SCIN: variants seen among roughly 807,000 people sequenced by gnomAD.
SCIN encodes the protein scinderin, also known as adseverin.
A neutral mutation model predicts 91.8 loss-of-function variants in SCIN; 91 were observed. That is an observed-to-expected ratio of 0.99 (90% CI 0.84 to 1.18). The LOEUF (loss-of-function observed/expected upper bound fraction) is 1.18. SCIN is among the 50% of genes most tolerant of loss of function. SCIN has a pLI of 0.00. For synonymous variants in SCIN, 367 were observed against 312.6 expected, an observed-to-expected ratio of 1.17 and a Z score of -1.84; for missense variants, 1,087 against 863.9, an observed-to-expected ratio of 1.26 and a Z score of -3.24.
At chr7:12,625,485 C>A (rs536619299) in intron 6 of SCIN, among the ~76,000 whole-genome samples, 3 of 144,504 alleles carry the variant, frequency 2.1e-5, no homozygotes, top group Non-Finnish European at 4.5e-5. Context: ...CCCGCCACCA[C>A]GCCCAGCTAA....
chr7:12,609,241 C>A (rs1207966642), intron 4 of SCIN, among the ~76,000 whole-genome samples: 1 of 152,072 alleles, frequency 6.6e-6, no homozygotes, highest in African/African-American at 2.4e-5. Flanking sequence ...TTTTAAAAGC[C>A]CGTGTGCCTA....
intron 1 of SCIN, chr7:12,577,537 T>C (rs1210630080): frequency 2.2e-6 from 1 of 456,192 alleles, no homozygotes. Flanking sequence ...TTAAAATTTT[T>C]AAAGGAATTG....
At chr7:12,572,363 C>T (rs1380946785) in intron 1 of SCIN, among the ~76,000 whole-genome samples, 1 of 152,144 alleles carries the variant, frequency 6.6e-6, no homozygotes, top group Non-Finnish European at 1.5e-5. Flanking sequence ...TATTTTCTGC[C>T]AGAAAAGACT....
At chr7:12,596,649 C>T (rs1035920694) in intron 3 of SCIN, among the ~76,000 whole-genome samples, 31 of 151,590 alleles carry the variant, frequency 2.0e-4, no homozygotes, top group African/African-American at 7.3e-4. Flanking sequence ...ACTTAGGTGG[C>T]TGGCAGAAAT....
chr7:12,591,755 C>T (rs1332386767), intron 3 of SCIN, among the ~76,000 whole-genome samples: 1 of 151,962 alleles, frequency 6.6e-6, no homozygotes, highest in Non-Finnish European at 1.5e-5. Context: ...AAGGATTTCG[C>T]TTTTGGAGGA....
chr7:12,625,437 T>TA (rs1157419880), intron 6 of SCIN, among the ~76,000 whole-genome samples: 1 of 143,548 alleles, frequency 7.0e-6, no homozygotes, highest in Non-Finnish European at 1.5e-5. Context: ...TATTCTTTTT[T>TA]TTTTTTTTTT....
At chr7:12,622,623 T>G (rs1227434787) in intron 4 of SCIN, among the ~76,000 whole-genome samples, 178 bp from the exon 5 acceptor site, 3 of 152,126 alleles carry the variant, frequency 2.0e-5, no homozygotes, top group South Asian at 4.1e-4. Flanking sequence ...TTAATGCAAT[T>G]GATTGATTTG....
intron 3 of SCIN, among the ~76,000 whole-genome samples, chr7:12,603,201 A>G (rs1782994887): frequency 6.6e-6 from 1 of 151,932 alleles, no homozygotes; most frequent in African/African-American, 2.4e-5. Flanking sequence ...CTGTAGTGCA[A>G]TGGCATGATC....
chr7:12,610,795 A>G (rs1476348028), intron 4 of SCIN, among the ~76,000 whole-genome samples: 1 of 152,166 alleles, frequency 6.6e-6, no homozygotes, highest in African/African-American at 2.4e-5. Context: ...CTCTCGAAAA[A>G]CAACAAACAG....
At chr7:12,652,222 C>T (rs1784093388) in intron 15 of SCIN, among the ~76,000 whole-genome samples, 1 of 152,118 alleles carries the variant, frequency 6.6e-6, no homozygotes, top group African/African-American at 2.4e-5. Flanking sequence ...TTTTAAACTT[C>T]CTTTTGACTA....
At chr7:12,608,055 G>A (rs1365326622) in intron 4 of SCIN, among the ~76,000 whole-genome samples, 3 of 151,972 alleles carry the variant, frequency 2.0e-5, no homozygotes, top group Non-Finnish European at 1.5e-5. Context: ...CTCAAAATAC[G>A]TTTATGCTCA....
At chr7:12,581,904 T>A (rs1200992739) in intron 3 of SCIN, among the ~76,000 whole-genome samples, 1 of 152,196 alleles carries the variant, frequency 6.6e-6, no homozygotes, top group Non-Finnish European at 1.5e-5. Context: ...TTTGTGAAGT[T>A]TTTATAATAG....
chr7:12,577,812 T>C (rs2115205423), intron 1 of SCIN: 1 of 458,916 alleles, frequency 2.2e-6, no homozygotes, highest in Non-Finnish European at 3.9e-6. Flanking sequence ...GCTATGATTA[T>C]GCCATTGCAT....
intron 14 of SCIN, 103 bp downstream of exon 14, chr7:12,649,647 A>C: frequency 6.5e-6 from 4 of 616,412 alleles, no homozygotes; most frequent in African/African-American, 1.9e-5. Flanking sequence ...GAGCCTAGAG[A>C]TTTAGGCTGT....
intron 3 of SCIN, chr7:12,595,740 G>C (rs990463630): frequency 3.3e-5 from 5 of 152,184 alleles, no homozygotes; most frequent in African/African-American, 1.2e-4. Flanking sequence ...TGATTTTAAA[G>C]TTTTGGAATT....
intron 3 of SCIN, among the ~76,000 whole-genome samples, chr7:12,585,174 A>C (rs1782561481): frequency 6.6e-6 from 1 of 152,118 alleles, no homozygotes; most frequent in Non-Finnish European, 1.5e-5. Flanking sequence ...TCACTCTCAC[A>C]GTTCCTCGGA....
intron 1 of SCIN, among the ~76,000 whole-genome samples, chr7:12,574,523 C>T (rs1782330824): frequency 6.6e-6 from 1 of 152,032 alleles, no homozygotes; most frequent in African/African-American, 2.4e-5. Context: ...ACTAAATGCA[C>T]ACACACACGA....
At chr7:12,621,016 G>T (rs941261008) in intron 4 of SCIN, among the ~76,000 whole-genome samples, 5 of 152,062 alleles carry the variant, frequency 3.3e-5, no homozygotes, top group African/African-American at 9.7e-5. Flanking sequence ...TGCCAATCGC[G>T]TGGGCAACCC....
chr7:12,644,813 C>G, intron 13 of SCIN, 108 bp downstream of exon 13: 2 of 1,043,536 alleles, frequency 1.9e-6, no homozygotes, highest in Non-Finnish European at 2.7e-6. Context: ...GTCAGGAGTT[C>G]GAGACCAGCC....
Sources: gnomAD v4.1 joint callset for allele counts (sites outside exome capture counted in the v4.1 genomes callset) on GRCh38, gnomAD v4.1.1 for gene constraint, MANE v1.5 for transcripts, NCBI Gene and HGNC (gene_info 2026-07-23, HGNC 2026-07-21) for gene names.